DIS3L2: variants seen among roughly 807,000 people sequenced by gnomAD.
The protein encoded by DIS3L2 is DIS3-like exonuclease 2.
DIS3L2 carries 34 observed loss-of-function variants against 97.5 expected under a neutral mutation model. The observed-to-expected ratio is 0.35, with a 90% CI of 0.27 to 0.46. The LOEUF (loss-of-function observed/expected upper bound fraction) is 0.46, where lower values mean the gene tolerates loss of function less well. Among genes scored for constraint, DIS3L2 ranks in the 20% least tolerant of loss-of-function variants. The probability of loss-of-function intolerance (pLI) is 1.00; values close to 1 mark genes in which losing one functional copy is unlikely to be tolerated. For synonymous variants in DIS3L2, 435 were observed against 445.2 expected (o/e 0.98, Z 0.29); for missense variants, 1,038 against 1,146.0 (o/e 0.91, Z 1.36).
chr2:232,078,801 G>C (rs1436025000), intron 5 of DIS3L2, among the ~76,000 whole-genome samples: 1 of 152,234 alleles, frequency 6.6e-6, no homozygotes, highest in Admixed American at 6.5e-5. Context: ...AAATTGAGAA[G>C]TGCTGAAGAA....
chr2:232,218,126 G>A (rs1478445955), intron 10 of DIS3L2, among the ~76,000 whole-genome samples: 4 of 152,180 alleles, frequency 2.6e-5, no homozygotes, highest in African/African-American at 4.8e-5. Context: ...AAAAAGAAGC[G>A]GGTGAAAGGA....
Position 232,336,869 on chromosome 2 carries a change from T to G in DIS3L2, c.*239T>G, listed in dbSNP as rs1300210414. 3 of 1,343,310 alleles carry G rather than the reference T, an allele frequency of 2.2e-6. No homozygotes were observed. The highest frequency in any genetic ancestry group is 2.9e-6 in the Non-Finnish European group (3 of 1,048,402). The allele number at this position is 1,343,310 out of a possible 1,614,324, so 83.2% of individuals were successfully genotyped here. On this transcript the variant is annotated 3_prime_UTR_variant, in exon 21 of 21. Coordinates refer to ENST00000325385, the MANE Select transcript of DIS3L2 (RefSeq NM_152383.5). ...CCAGCAGAGCAGGCCCCAGTCCTCC[T>G]GGGAGGCTGGCCCCCCTTTTTTCTG...
chr2:232,112,556 A>T (rs1697569941), intron 6 of DIS3L2, among the ~76,000 whole-genome samples: 1 of 152,144 alleles, frequency 6.6e-6, no homozygotes, highest in African/African-American at 2.4e-5. Context: ...TCTTGTCCCC[A>T]GGGCCTTGCT....
At chr2:232,076,919 T>G (rs1393666000) in intron 5 of DIS3L2, among the ~76,000 whole-genome samples, 3 of 152,178 alleles carry the variant, frequency 2.0e-5, no homozygotes, top group East Asian at 1.9e-4. Context: ...GTCTTTGAAA[T>G]AGGATGCTAC....
At chr2:231,994,809 CTTT>C (rs1277561466) in intron 1 of DIS3L2, among the ~76,000 whole-genome samples, 2 of 144,666 alleles carry the variant, frequency 1.4e-5, no homozygotes, top group Non-Finnish European at 3.0e-5. Flanking sequence ...TTCTTTCATT[CTTT>C]TTCTTTTTTT....
chr2:232,253,270 T>G (rs886876734), intron 12 of DIS3L2, among the ~76,000 whole-genome samples: 3 of 152,204 alleles, frequency 2.0e-5, no homozygotes. Flanking sequence ...GCTTGTCGGA[T>G]TTGCACCAAG....
At chr2:232,304,360 C>T (rs1694934555) in intron 14 of DIS3L2, among the ~76,000 whole-genome samples, 1 of 152,172 alleles carries the variant, frequency 6.6e-6, no homozygotes, top group African/African-American at 2.4e-5. Context: ...CTGCTCTGTA[C>T]AGTGTGTTAC....
chr2:232,335,904 A>G (rs539184906), intron 20 of DIS3L2, 30 bp downstream of exon 20: 2 of 1,549,542 alleles, frequency 1.3e-6, no homozygotes, highest in South Asian at 2.4e-5. Context: ...CCAGCCCCCT[A>G]AGTCCTGATG....
Position 232,325,801 on chromosome 2 carries a change from A to C in DIS3L2, c.1740-4012A>C, listed in dbSNP as rs1427220224. On this transcript the variant is annotated intron_variant, in intron 14 of 20. Coordinates refer to ENST00000325385, the MANE Select transcript of DIS3L2 (RefSeq NM_152383.5). The surrounding 1 kb of genome is among the most constrained non-coding windows in gnomAD (Gnocchi z 4.6). Reference sequence around the variant, plus strand: ...TGAGCTCCAGCGCCCCATCCCCCGCAGGGCCCAGTGATCTCACGCCTGTGC... The same window carrying C: ...TGAGCTCCAGCGCCCCATCCCCCGCCGGGCCCAGTGATCTCACGCCTGTGC... 6.6e-6 allele frequency among the ~76,000 whole-genome samples: 1 copy of C among 152,170 alleles called. No individual in the cohort carries two copies. The highest frequency in any genetic ancestry group is 1.5e-5 in the Non-Finnish European group (1 of 68,014).
intron 9 of DIS3L2, among the ~76,000 whole-genome samples, chr2:232,172,904 C>T (rs1691033716): frequency 6.6e-6 from 1 of 152,114 alleles, no homozygotes; most frequent in Non-Finnish European, 1.5e-5. Flanking sequence ...GCTTATTGGT[C>T]ATTTGTATAT....
intron 8 of DIS3L2, among the ~76,000 whole-genome samples, chr2:232,137,566 G>A (rs1017413271): frequency 2.6e-5 from 4 of 152,090 alleles, no homozygotes; most frequent in African/African-American, 9.7e-5. Context: ...CACCCTCCTG[G>A]GAATGTCCTA....
At chr2:231,972,744 A>G (rs867469061) in intron 1 of DIS3L2, among the ~76,000 whole-genome samples, 4 of 152,018 alleles carry the variant, frequency 2.6e-5, no homozygotes, top group South Asian at 2.1e-4. Flanking sequence ...AGGTTTTACC[A>G]TGTTGCCCAA....
intron 1 of DIS3L2, among the ~76,000 whole-genome samples, chr2:232,007,005 G>C (rs1694070605): frequency 6.6e-6 from 1 of 152,134 alleles, no homozygotes; most frequent in African/African-American, 2.4e-5. Flanking sequence ...GGGGGAAATA[G>C]AGGTTGTGAG....
rs1694299779 is a variant in DIS3L2, at chr2:232,282,000, C to T, written c.1660-18040C>T. ...AGGCACTTAGGAGCAGCACGTGGCA[C>T]CCATGAAAGCCTCCATCCCCTGACA... is the stretch of plus-strand genomic sequence containing the variant. On this transcript the variant is annotated intron_variant, in intron 13 of 20. Coordinates refer to ENST00000325385, the MANE Select transcript of DIS3L2 (RefSeq NM_152383.5). The surrounding 1 kb of genome is among the most constrained non-coding windows in gnomAD (Gnocchi z 4.1). 6.6e-6 allele frequency among the ~76,000 whole-genome samples: 1 copy of T among 152,014 alleles called. No homozygotes were observed.
chr2:232,097,294 C>G, intron 6 of DIS3L2, among the ~76,000 whole-genome samples: 1 of 152,130 alleles, frequency 6.6e-6, no homozygotes, highest in East Asian at 1.9e-4. Context: ...GCTGAGCCAC[C>G]TGGAGCTGGG....
intron 5 of DIS3L2, among the ~76,000 whole-genome samples, chr2:232,059,283 G>A (rs1263521747): frequency 6.6e-6 from 1 of 152,138 alleles, no homozygotes; most frequent in Non-Finnish European, 1.5e-5. Flanking sequence ...CTTTTAAAAT[G>A]ATTCAAATAA....
chr2:232,013,688 G>A (rs1286435558), intron 1 of DIS3L2, among the ~76,000 whole-genome samples: 1 of 152,170 alleles, frequency 6.6e-6, no homozygotes, highest in Non-Finnish European at 1.5e-5. Context: ...GAAGAAATAT[G>A]TGTGAAATTA....
At chr2:232,113,445 G>A (rs964700417) in intron 6 of DIS3L2, among the ~76,000 whole-genome samples, 1 of 152,202 alleles carries the variant, frequency 6.6e-6, no homozygotes, top group Non-Finnish European at 1.5e-5. Flanking sequence ...GTCCAGCCAG[G>A]CCTGCATGAA....
At chr2:232,254,602 A>G (rs887319108) in intron 12 of DIS3L2, among the ~76,000 whole-genome samples, 3 of 152,214 alleles carry the variant, frequency 2.0e-5, no homozygotes, top group African/African-American at 7.2e-5. Context: ...GTCAACAGAA[A>G]AGAACTTTGA....
Sources: allele counts gnomAD v4.1 joint callset (sites outside exome capture counted in the v4.1 genomes callset), GRCh38; gene constraint gnomAD v4.1.1; non-coding constraint Gnocchi (gnomAD v3.1); transcripts MANE v1.5; gene names NCBI Gene and HGNC (gene_info 2026-07-23, HGNC 2026-07-21).